ITPR2: variants seen among roughly 807,000 people sequenced by gnomAD.
ITPR2 encodes inositol 1,4,5-trisphosphate-gated calcium channel ITPR2.
In ITPR2, 207 loss-of-function variants were observed where a neutral mutation model predicts 317.1. The ratio of observed to expected loss-of-function variants is 0.65; its 90% CI spans 0.58 to 0.73. The LOEUF is 0.73. Ranked by LOEUF, ITPR2 falls within the 30% of genes least tolerant of loss-of-function variation. ITPR2 has a pLI of 0.00. For missense variants in ITPR2, 2,613 were observed against 3,284.0 expected, an observed-to-expected ratio of 0.80 and a Z score of 4.99; for synonymous variants, 1,156 against 1,149.1, an observed-to-expected ratio of 1.01 and a Z score of -0.12.
rs1036065996 is a variant in ITPR2 at position 26,541,505 on chromosome 12, A to G, written c.5073+8742T>C. 2.0e-5 allele frequency among the ~76,000 whole-genome samples: 3 copies of G among 152,332 alleles called. No individual in the cohort carries two copies. The South Asian group carries it at 6.2e-4, about 32-fold the overall frequency. On this transcript the variant is annotated intron_variant, in intron 37 of 56. Coordinates refer to ENST00000381340, the MANE Select transcript of ITPR2 (RefSeq NM_002223.4). ...TAAGAAATATTATAAAATACAGCTG[A>G]TAATAAAACTAAAATGTGTTTCTCT...
chr12:26,526,209 GA>G (rs1189126528), intron 37 of ITPR2, among the ~76,000 whole-genome samples: 1 of 152,064 alleles, frequency 6.6e-6, no homozygotes, highest in Non-Finnish European at 1.5e-5. Flanking sequence ...AATTTGCTAT[GA>G]AAAAAATGAA....
chr12:26,659,279 T>C lies in ITPR2; in HGVS notation c.1720A>G (p.Ile574Val). The change falls in exon 16 of 57, where the codon ATT (isoleucine) becomes GTT (valine). Residue 574 changes from isoleucine (I) to valine (V), a missense_variant. Coordinates refer to ENST00000381340, the MANE Select transcript of ITPR2 (RefSeq NM_002223.4). ...TGCATGACACAGAAATTCTTAGCAATATATTCCTGCAAAGAAGAAAGGCTG... is the reference window on the plus strand; with the variant it reads ...TGCATGACACAGAAATTCTTAGCAACATATTCCTGCAAAGAAGAAAGGCTG... ...QQDYRKNQEYIAKNFCVMQSQ... is the reference protein window; with the variant it reads ...QQDYRKNQEYVAKNFCVMQSQ... 1 of 1,613,044 alleles carries C rather than the reference T, an allele frequency of 6.2e-7. No homozygotes were observed.
At chr12:26,538,217 G>T (rs917065935) in intron 37 of ITPR2, among the ~76,000 whole-genome samples, 61 of 152,268 alleles carry the variant, frequency 4.0e-4, no homozygotes, top group African/African-American at 1.4e-3. Flanking sequence ...TGTGCTACAG[G>T]TCTTCAATGT....
chr12:26,786,762 T>C (rs890020945), intron 2 of ITPR2, among the ~76,000 whole-genome samples: 1 of 152,244 alleles, frequency 6.6e-6, no homozygotes, highest in Non-Finnish European at 1.5e-5. Context: ...TAAAATGTTA[T>C]GATTCACTTG....
chr12:26,506,797 A>T (rs1943199324), intron 37 of ITPR2, among the ~76,000 whole-genome samples: 1 of 152,172 alleles, frequency 6.6e-6, no homozygotes, highest in Admixed American at 6.5e-5. Flanking sequence ...GTATTTTACT[A>T]AAAAACAAAG....
chr12:26,394,382 T>A (rs538712580), intron 54 of ITPR2, among the ~76,000 whole-genome samples: 9 of 152,174 alleles, frequency 5.9e-5, no homozygotes, highest in African/African-American at 2.2e-4. Context: ...TAGGGTCCGA[T>A]GTGTGAGATC....
chr12:26,601,279 T>C (rs1452709161), intron 28 of ITPR2, among the ~76,000 whole-genome samples: 1 of 152,168 alleles, frequency 6.6e-6, no homozygotes, highest in Non-Finnish European at 1.5e-5. Flanking sequence ...CCCATACATA[T>C]GCATATTCCC....
intron 54 of ITPR2, among the ~76,000 whole-genome samples, chr12:26,397,537 T>C (rs1940037225): frequency 6.6e-6 from 1 of 152,168 alleles, no homozygotes; most frequent in South Asian, 2.1e-4. Context: ...CAAGGCTATT[T>C]ATTGTGTTTG....
intron 32 of ITPR2, among the ~76,000 whole-genome samples, chr12:26,595,114 T>G (rs1213465328): frequency 6.6e-6 from 1 of 152,228 alleles, no homozygotes; most frequent in Non-Finnish European, 1.5e-5. Flanking sequence ...ATCTGTGCTT[T>G]GTAATTGCAC....
intron 37 of ITPR2, among the ~76,000 whole-genome samples, chr12:26,513,087 C>T (rs540503613): frequency 4.6e-5 from 7 of 151,976 alleles, no homozygotes; most frequent in Non-Finnish European, 1.0e-4. Context: ...GTGATCCACC[C>T]GCCTAGGCCT....
At chr12:26,803,507 G>C (rs552284322) in intron 1 of ITPR2, among the ~76,000 whole-genome samples, 44 of 152,306 alleles carry the variant, frequency 2.9e-4, no homozygotes, top group Middle Eastern at 3.4e-3. Flanking sequence ...TGATATAGCT[G>C]TTTGTCCTTG....
At chr12:26,531,851 A>T (rs998309911) in intron 37 of ITPR2, among the ~76,000 whole-genome samples, 1 of 152,220 alleles carries the variant, frequency 6.6e-6, no homozygotes, top group Non-Finnish European at 1.5e-5. Context: ...AGAAGGAATT[A>T]CTGTGAGTCT....
intron 45 of ITPR2, among the ~76,000 whole-genome samples, chr12:26,469,701 G>C (rs1326792432): frequency 2.6e-5 from 4 of 151,838 alleles, no homozygotes; most frequent in Non-Finnish European, 5.9e-5. Context: ...CCTAGTATCT[G>C]GCACAGCGCT....
intron 32 of ITPR2, among the ~76,000 whole-genome samples, chr12:26,588,399 G>C (rs566735553): frequency 6.6e-6 from 1 of 152,270 alleles, no homozygotes; most frequent in South Asian, 2.1e-4. Flanking sequence ...AAGAAGCCTT[G>C]TATAAGTTAT....
At chr12:26,345,513 C>T (rs1938277154) in intron 55 of ITPR2, among the ~76,000 whole-genome samples, 1 of 152,148 alleles carries the variant, frequency 6.6e-6, no homozygotes. Context: ...TTCTCTCTCT[C>T]AAAATATCTT....
At position 26,545,722 on chromosome 12, in the gene ITPR2, T is replaced by C. The variant is rs537557224; in HGVS notation, c.5073+4525A>G. 5.5e-4 allele frequency among the ~76,000 whole-genome samples: 84 copies of C among 152,328 alleles called. 1 individual carries two copies. The highest frequency in any genetic ancestry group is 2.0e-3 in the African/African-American group (83 of 41,556). ...GAGCCCACCATTGGTTGTACAATAG[T>C]ATCTTTTGCTACTTTTTGAATCTAT... On this transcript the variant is annotated intron_variant, in intron 37 of 56. Coordinates refer to ENST00000381340, the MANE Select transcript of ITPR2 (RefSeq NM_002223.4).
intron 51 of ITPR2, among the ~76,000 whole-genome samples, chr12:26,414,046 TATGTAC>T (rs1284322530): frequency 1.3e-4 from 8 of 59,412 alleles, no homozygotes; most frequent in African/African-American, 2.1e-4. Context: ...TACATGTATA[TATGTAC>T]ACACACACAC....
intron 46 of ITPR2, among the ~76,000 whole-genome samples, chr12:26,442,295 T>C (rs1941504132): frequency 6.6e-6 from 1 of 152,190 alleles, no homozygotes; most frequent in East Asian, 1.9e-4. Flanking sequence ...TATTATTTTC[T>C]CTACATTTCC....
intron 55 of ITPR2, among the ~76,000 whole-genome samples, chr12:26,344,903 A>G (rs977157834): frequency 5.3e-5 from 8 of 152,070 alleles, no homozygotes; most frequent in African/African-American, 1.9e-4. Flanking sequence ...CCTAAATATT[A>G]TTCTGTCTTC....
Sources: gnomAD v4.1 joint callset for allele counts (sites outside exome capture counted in the v4.1 genomes callset) on GRCh38, gnomAD v4.1.1 for gene constraint, MANE v1.5 for transcripts, NCBI Gene and HGNC (gene_info 2026-07-23, HGNC 2026-07-21) for gene names.